The following PIP5K1A variants were observed in gnomAD, a reference collection of about 807,000 sequenced individuals.
The protein encoded by PIP5K1A is phosphatidylinositol 4-phosphate 5-kinase type-1 alpha.
Under a neutral mutation model 72.9 loss-of-function variants are expected in PIP5K1A, and 46 were observed. The observed-to-expected ratio is 0.63, with a 90% CI of 0.50 to 0.81. The LOEUF (loss-of-function observed/expected upper bound fraction) is 0.81, where lower values mean the gene tolerates loss of function less well. PIP5K1A is among the 30% of genes least tolerant of loss of function. The pLI is 0.00. For missense variants in PIP5K1A, 458 were observed against 706.1 expected, an observed-to-expected ratio of 0.65 and a Z score of 3.98; for synonymous variants, 228 against 255.1, an observed-to-expected ratio of 0.89 and a Z score of 1.01.
At chr1:151,223,009 T>G (rs1324501620) in intron 1 of PIP5K1A, among the ~76,000 whole-genome samples, 1 of 142,028 alleles carries the variant, frequency 7.0e-6, no homozygotes, top group Non-Finnish European at 1.5e-5. Flanking sequence ...AGGTCAGGAG[T>G]TAAGACCAGC....
Position 151,238,167 on chromosome 1 carries a change from T to G in PIP5K1A, c.1146-15T>G. On this transcript the variant is annotated splice_polypyrimidine_tract_variant and intron_variant, in intron 9 of 15. Transcript: ENST00000368888. ...CCAACAGATTTTCTCACCCTTTCCTTTTTGCCTTTTCCAGTATGGGTGGCA... is the reference window on the plus strand; with the variant it reads ...CCAACAGATTTTCTCACCCTTTCCTGTTTGCCTTTTCCAGTATGGGTGGCA... 6.3e-7 allele frequency: 1 copy of G among 1,586,656 alleles called. No individual in the cohort carries two copies. The highest frequency in any genetic ancestry group is 8.7e-7 in the Non-Finnish European group (1 of 1,155,126).
chr1:151,222,702 A>G (rs918588983), intron 1 of PIP5K1A, among the ~76,000 whole-genome samples: 7 of 152,200 alleles, frequency 4.6e-5, no homozygotes, highest in Non-Finnish European at 8.8e-5. Context: ...CAAAGAGTCT[A>G]GAATCAGCAT....
chr1:151,226,373 C>T (rs1416872110), intron 3 of PIP5K1A, among the ~76,000 whole-genome samples: 2 of 152,028 alleles, frequency 1.3e-5, no homozygotes, highest in African/African-American at 2.4e-5. Flanking sequence ...GTGTGAGCCA[C>T]CGCACCCGGC....
intron 1 of PIP5K1A, among the ~76,000 whole-genome samples, chr1:151,203,543 A>C (rs920182069): frequency 1.2e-4 from 18 of 150,604 alleles, no homozygotes; most frequent in Non-Finnish European, 2.4e-4. Context: ...AAAAAAAAAA[A>C]GGCCAGGAGC....
intron 1 of PIP5K1A, among the ~76,000 whole-genome samples, chr1:151,222,943 T>C (rs1463272077): frequency 6.6e-6 from 1 of 152,156 alleles, no homozygotes; most frequent in Non-Finnish European, 1.5e-5. Context: ...TGGCCAGGCA[T>C]GGTGGCTCAT....
upstream of PIP5K1A, chr1:151,198,436 GGC>G: frequency 8.3e-6 from 2 of 239,826 alleles, no homozygotes; most frequent in South Asian, 4.2e-5. Context: ...GACTCGTCAG[GGC>G]GTGAGGACCC....
chr1:151,205,685 C>T (rs1685829868), intron 1 of PIP5K1A, among the ~76,000 whole-genome samples: 1 of 152,006 alleles, frequency 6.6e-6, no homozygotes, highest in Non-Finnish European at 1.5e-5. Context: ...GTAATCCCAG[C>T]TGCTAGGGAG....
chr1:151,231,930 G>A (rs1236885253), intron 5 of PIP5K1A, 129 bp downstream of exon 5: 5 of 846,818 alleles, frequency 5.9e-6, no homozygotes, highest in Middle Eastern at 2.3e-4. Context: ...TACAATCAGG[G>A]CGATGTGGGA....
chr1:151,199,239 G>A lies in PIP5K1A; in HGVS notation c.85+158G>A, dbSNP rs587680130. The A allele has an allele frequency of 2.9e-6, 4 of 1,388,582 alleles. No individual in the cohort carries two copies. The South Asian group carries it at 5.3e-5, about 18-fold the overall frequency. The allele number at this position is 1,388,582 out of a possible 1,614,324, so 86.0% of individuals were successfully genotyped here. On this transcript the variant is annotated intron_variant, in intron 1 of 15. Transcript: ENST00000368888. ...AATAGGGATTTATGAGCGGGCAGGA[G>A]TTTGAGGAAAGGATAAGTTTGATTA...
At chr1:151,242,618 C>T (rs753537872) in intron 14 of PIP5K1A, 51 bp downstream of exon 14, 12 of 1,463,906 alleles carry the variant, frequency 8.2e-6, no homozygotes, top group Admixed American at 7.4e-5. Flanking sequence ...CTTTTCAAGT[C>T]CTTGGAAACC....
chr1:151,242,531 C>T lies in PIP5K1A; in HGVS notation c.1604C>T (p.Pro535Leu), dbSNP rs1402872813. The T allele has an allele frequency of 6.2e-7, 1 of 1,613,822 alleles. No individual in the cohort carries two copies. The highest frequency in any genetic ancestry group is 1.7e-5 in the Admixed American group (1 of 60,020). ...CCTATTCCTGACCCCAGTTTCTCAC[C>T]TCTAGTTGGAGAGACTTTGCAAATG... ...GSPIPDPSFSPLVGETLQMLT... is the reference protein window; with the variant it reads ...GSPIPDPSFSLLVGETLQMLT... Residue 535 changes from proline (P) to leucine (L), a missense_variant, in exon 14 of 16, where the codon CCT (proline) becomes CTT (leucine). Physicochemically the swap from Pro to Leu is moderately conservative, Grantham distance 98. Coordinates refer to ENST00000368888, the MANE Select transcript of PIP5K1A (RefSeq NM_001135638.2).
At chr1:151,229,164 T>C (rs1689613634) in intron 4 of PIP5K1A, among the ~76,000 whole-genome samples, 1 of 44,936 alleles carries the variant, frequency 2.2e-5, no homozygotes, top group Non-Finnish European at 4.0e-5. Context: ...CGAGACCCCG[T>C]CTCAAAAAAA....
intron 14 of PIP5K1A, among the ~76,000 whole-genome samples, chr1:151,245,436 C>T (rs886513917): frequency 6.6e-6 from 1 of 152,142 alleles, no homozygotes; most frequent in South Asian, 2.1e-4. Context: ...CACTAAAATG[C>T]TCCTCCAAGC....
At chr1:151,213,989 CCT>C (rs1687223212) in intron 1 of PIP5K1A, among the ~76,000 whole-genome samples, 1 of 152,006 alleles carries the variant, frequency 6.6e-6, no homozygotes, top group African/African-American at 2.4e-5. Context: ...ATCTTGTGCA[CCT>C]TTTCTATGTG....
intron 1 of PIP5K1A, among the ~76,000 whole-genome samples, chr1:151,209,755 A>T (rs1222583513): frequency 6.6e-6 from 1 of 151,072 alleles, no homozygotes; most frequent in Non-Finnish European, 1.5e-5. Context: ...GTTAGTAGAG[A>T]CGGGGTTTCA....
Position 151,199,065 on chromosome 1 carries a change from C to G in PIP5K1A, c.69C>G (p.Ser23=), listed in dbSNP as rs760462549. 17 of 1,614,010 alleles carry G rather than the reference C, an allele frequency of 1.1e-5. 1 individual carries two copies. In the African/African-American group the frequency reaches 2.1e-4, roughly 20 times the overall value. ...GFSSFDPAVP[S]CTLSSAASGI... ...CATCCTTTGATCCCGCGGTCCCTTCCTGTACCTTGTCCTCAGGTAAGCCCG... is the reference window on the plus strand; with the variant it reads ...CATCCTTTGATCCCGCGGTCCCTTCGTGTACCTTGTCCTCAGGTAAGCCCG... Residue 23 remains serine (S), a synonymous_variant, in exon 1 of 16, where the codon TCC becomes TCG. Transcript: ENST00000368888.
At chr1:151,198,153 C>A (rs1684719543), upstream of PIP5K1A, 1 of 464,090 alleles carries the variant, frequency 2.2e-6, no homozygotes, top group Admixed American at 2.5e-5. Context: ...AAATAGTAAA[C>A]AAGAGTAGTA....
chr1:151,242,059 A>G lies in PIP5K1A; in HGVS notation c.1364-64A>G, dbSNP rs146861892. On this transcript the variant is annotated intron_variant, in intron 12 of 15. Transcript: ENST00000368888. ...GTTGGGGATACTAGCAATTATTTGT[A>G]TCTATGTCTTGGTAATAGTTGCTAA... 5.0e-3 allele frequency: 7,686 copies of G among 1,542,274 alleles called. 491 individuals carry two copies. In the Admixed American group the frequency reaches 0.12, roughly 24 times the overall value.
At chr1:151,219,955 T>G (rs587667720) in intron 1 of PIP5K1A, among the ~76,000 whole-genome samples, 1 of 148,842 alleles carries the variant, frequency 6.7e-6, no homozygotes, top group African/African-American at 2.5e-5. Flanking sequence ...CCTCCCAAAG[T>G]ACTGGGATTA....
Sources: gnomAD v4.1 joint callset for allele counts (sites outside exome capture counted in the v4.1 genomes callset) on GRCh38, gnomAD v4.1.1 for gene constraint, MANE v1.5 for transcripts, NCBI Gene and HGNC (gene_info 2026-07-23, HGNC 2026-07-21) for gene names.